Variants in HAUS6 observed in about 807,000 individuals in gnomAD.
HAUS6 encodes HAUS augmin like complex subunit 6, also known as HAUS augmin-like complex subunit 6.
HAUS6 carries 80 observed loss-of-function variants against 106.8 expected under a neutral mutation model. The ratio of observed to expected loss-of-function variants is 0.75; its 90% CI spans 0.63 to 0.90. The LOEUF is 0.90. Ranked by LOEUF, HAUS6 falls within the 40% of genes least tolerant of loss-of-function variation. The pLI, the probability that HAUS6 is intolerant of heterozygous loss-of-function variation, is 0.00. For missense variants in HAUS6, 1,155 were observed against 1,118.1 expected (o/e 1.03, Z -0.47); for synonymous variants, 356 against 379.1 (o/e 0.94, Z 0.71).
At chr9:19,097,583 T>G (rs1817891092) in intron 1 of HAUS6, among the ~76,000 whole-genome samples, 1 of 152,052 alleles carries the variant, frequency 6.6e-6, no homozygotes, top group South Asian at 2.1e-4. Flanking sequence ...TGGGGATCAT[T>G]AAAAAGTCAG....
chr9:19,063,383 T>A lies in HAUS6; in HGVS notation c.1443+131A>T, dbSNP rs927242048. On this transcript the variant is annotated intron_variant, in intron 13 of 16. Coordinates refer to ENST00000380502, the MANE Select transcript of HAUS6 (RefSeq NM_017645.5). ...TAGCAATAAGGAATATAAGTAGATA[T>A]GGTACAAAATGTACAAATAGTAGAA... is the stretch of plus-strand genomic sequence containing the variant. 3 of 650,550 alleles carry A rather than the reference T, an allele frequency of 4.6e-6. No homozygotes were observed. The African/African-American group carries it at 5.5e-5, about 12-fold the overall frequency. 40.3% of individuals were successfully genotyped at this position (650,550 alleles called of 1,614,324 possible).
Position 19,054,875 on chromosome 9 carries a change from T to C in HAUS6, c.*1468A>G, listed in dbSNP as rs1232912150. 6.6e-6 allele frequency: 1 copy of C among 152,230 alleles called. No individual in the cohort carries two copies. Among genetic ancestry groups the C allele is most frequent in the African/African-American group, 2.4e-5 (1 of 41,462 alleles). The allele number at this position is 152,230 out of a possible 1,614,324, so 9.4% of individuals were successfully genotyped here. ...TTCTGCAGATGCTGATAAGACAGTATCACATGCTAAGTTAAGATTTTCAGA... is the reference window on the plus strand; with the variant it reads ...TTCTGCAGATGCTGATAAGACAGTACCACATGCTAAGTTAAGATTTTCAGA... On this transcript the variant is annotated 3_prime_UTR_variant, in exon 17 of 17. Transcript: ENST00000380502.
chr9:19,057,909 G>T, intron 16 of HAUS6, 52 bp downstream of exon 16: 2 of 1,068,866 alleles, frequency 1.9e-6, no homozygotes, highest in Non-Finnish European at 2.7e-6. Context: ...TTTATCAAAA[G>T]TTGAGAGAAA....
At position 19,076,556 on chromosome 9, in the gene HAUS6, G is replaced by A. The variant is rs749474494; in HGVS notation, c.1294+46C>T. ...AACTATTATTATAATGAAAAAGAAT[G>A]ACAGGAAGGAGGTTTCAAAGAGAAA... On this transcript the variant is annotated intron_variant, in intron 11 of 16. Transcript: ENST00000380502. The A allele has an allele frequency of 1.1e-4, 88 of 824,276 alleles. No individual in the cohort carries two copies. The East Asian group carries it at 2.1e-3, about 20-fold the overall frequency. The allele number at this position is 824,276 out of a possible 1,614,324, so 51.1% of individuals were successfully genotyped here.
chr9:19,086,761 G>A lies in HAUS6; in HGVS notation c.672C>T (p.His224=), dbSNP rs755066098. 3 of 1,226,386 alleles carry A rather than the reference G, an allele frequency of 2.4e-6. No homozygotes were observed. The highest frequency in any genetic ancestry group is 2.6e-5 in the South Asian group (2 of 77,914). 76.0% of individuals were successfully genotyped at this position (1,226,386 alleles called of 1,614,324 possible). Residue 224 remains histidine, a synonymous_variant, in exon 7 of 17, where the codon CAC becomes CAT. Coordinates refer to ENST00000380502, the MANE Select transcript of HAUS6 (RefSeq NM_017645.5). ...TTTGAATTTTTTCTTCCATATTACT[G>A]TGGTCATCATAGGGTTCCATTCTAA... ...QIKKMEPYDD[H]SNMEEKIQKV...
intron 11 of HAUS6, among the ~76,000 whole-genome samples, chr9:19,075,423 C>T (rs1023297277): frequency 3.3e-5 from 5 of 152,110 alleles, no homozygotes; most frequent in Admixed American, 1.3e-4. Context: ...AAAAATTGAA[C>T]GCTGATACAT....
Position 19,078,225 on chromosome 9 carries a change from T to C in HAUS6, c.1142A>G (p.Lys381Arg). 1.3e-6 allele frequency: 2 copies of C among 1,595,276 alleles called. No homozygotes were observed. The highest frequency in any genetic ancestry group is 1.7e-6 in the Non-Finnish European group (2 of 1,164,534). Reference protein sequence around the residue: ...EKQGEWHKKWKEFLGLSPFSL... With the variant: ...EKQGEWHKKWREFLGLSPFSL... ...GAAAGGAGACAAACCAAGAAATTCTTTCCACTTTTTATGCCATTCTCCTTG... is the reference window on the plus strand; with the variant it reads ...GAAAGGAGACAAACCAAGAAATTCTCTCCACTTTTTATGCCATTCTCCTTG... Residue 381 changes from lysine (K) to arginine (R), a missense_variant, in exon 10 of 17, where the codon AAA becomes AGA. Transcript: ENST00000380502.
In HAUS6 at chr9:19,058,181, G is replaced by C; in HGVS notation, c.2586C>G (p.His862Gln). ...YLSNSQTPER[H>Q]KPELSPTPQN... is the part of the protein sequence containing the mutation. ...GGGGAGTAGGGCTCAATTCTGGTTT[G>C]TGTCTTTCGGGTGTTTGGGAATTCG... Residue 862 changes from histidine to glutamine, a missense_variant, in exon 16 of 17, where the codon CAC becomes CAG. Transcript: ENST00000380502. 6.2e-7 allele frequency: 1 copy of C among 1,613,842 alleles called. No homozygotes were observed. The highest frequency in any genetic ancestry group is 8.5e-7 in the Non-Finnish European group (1 of 1,179,800).
At position 19,102,896 on chromosome 9, in the gene HAUS6, G is replaced by A. The variant is rs890604887; in HGVS notation, c.-245C>T. 7 of 378,516 alleles carry A rather than the reference G, an allele frequency of 1.8e-5. No homozygotes were observed. The highest frequency in any genetic ancestry group is 4.6e-5 in the Admixed American group (1 of 21,726). The allele number at this position is 378,516 out of a possible 1,614,324, so 23.4% of individuals were successfully genotyped here. ...GAAGCCACCACAAACCGAGACTCCC[G>A]CCCTTAAGGAAGAGCAGTGTGCGCC... On this transcript the variant is annotated 5_prime_UTR_variant, in exon 1 of 17. Coordinates refer to ENST00000380502, the MANE Select transcript of HAUS6 (RefSeq NM_017645.5).
At chr9:19,065,578 C>G (rs887877524) in intron 12 of HAUS6, among the ~76,000 whole-genome samples, 1 of 152,156 alleles carries the variant, frequency 6.6e-6, no homozygotes, top group Non-Finnish European at 1.5e-5. Flanking sequence ...CGGTGGCTCA[C>G]GCCTGTAATC....
intron 11 of HAUS6, among the ~76,000 whole-genome samples, chr9:19,072,489 G>A (rs1369257818): frequency 6.6e-6 from 1 of 151,292 alleles, no homozygotes; most frequent in Non-Finnish European, 1.5e-5. Context: ...CTCAAGCCTG[G>A]GTAATAAAGA....
Position 19,062,871 on chromosome 9 carries a change from G to A in HAUS6, c.1629+137C>T, listed in dbSNP as rs1588597368. ...TTGTAGAGATGGGTTTCGCCATGTTGCCCATGCTGGTCTCGAACTTCTGGG... is the reference window on the plus strand; with the variant it reads ...TTGTAGAGATGGGTTTCGCCATGTTACCCATGCTGGTCTCGAACTTCTGGG... On this transcript the variant is annotated intron_variant, in intron 14 of 16. Coordinates refer to ENST00000380502, the MANE Select transcript of HAUS6 (RefSeq NM_017645.5). The A allele has an allele frequency of 1.0e-5, 7 of 695,842 alleles. No individual in the cohort carries two copies. In the East Asian group the frequency reaches 1.3e-4, roughly 13 times the overall value. The allele number at this position is 695,842 out of a possible 1,614,324, so 43.1% of individuals were successfully genotyped here. A position where few individuals can be genotyped will look rare whatever the true frequency, so the allele number is the denominator to read the frequency against.
chr9:19,064,990 A>G (rs1433410698), intron 12 of HAUS6: 1 of 152,254 alleles, frequency 6.6e-6, no homozygotes, highest in East Asian at 1.9e-4. Context: ...CCCTAAGGCT[A>G]TTCCCAGAGG....
intron 12 of HAUS6, chr9:19,063,845 A>C: frequency 1.6e-6 from 1 of 631,586 alleles, no homozygotes. Flanking sequence ...TGAAAGAGTT[A>C]AGTGACTTAA....
intron 3 of HAUS6, among the ~76,000 whole-genome samples, chr9:19,093,811 G>A (rs1489973217): frequency 6.6e-6 from 1 of 152,150 alleles, no homozygotes; most frequent in Non-Finnish European, 1.5e-5. Context: ...AGAGGTTGCA[G>A]TGAGCCAAGA....
At position 19,066,687 on chromosome 9, in the gene HAUS6, C is replaced by T. The variant is rs7049181; in HGVS notation, c.1377-3107G>A. Reference sequence around the variant, plus strand: ...TGGTTTTAAGTATAATGCAGCCTCTCGCTCTGATCAGAACCAGAAATGGAA... The same window carrying T: ...TGGTTTTAAGTATAATGCAGCCTCTTGCTCTGATCAGAACCAGAAATGGAA... On this transcript the variant is annotated intron_variant, in intron 12 of 16. Transcript: ENST00000380502. Among the ~76,000 whole-genome samples the T allele has an allele frequency of 3.8e-3, 585 of 152,048 alleles. 4 individuals carry two copies. The highest frequency in any genetic ancestry group is 0.013 in the African/African-American group (556 of 41,472).
chr9:19,087,039 G>C lies in HAUS6; in HGVS notation c.650+52C>G, dbSNP rs376749348. On this transcript the variant is annotated intron_variant, in intron 6 of 16. Coordinates refer to ENST00000380502, the MANE Select transcript of HAUS6 (RefSeq NM_017645.5). Reference sequence around the variant, plus strand: ...GAGTCTGTTTCCTAGCCTGTAAAATGCAAGAGCTAAACTAGTATCTAAGGC... The same window carrying C: ...GAGTCTGTTTCCTAGCCTGTAAAATCCAAGAGCTAAACTAGTATCTAAGGC... 7.2e-6 allele frequency: 6 copies of C among 834,038 alleles called. No individual in the cohort carries two copies. The African/African-American group carries it at 1.0e-4, about 14-fold the overall frequency. 51.7% of individuals were successfully genotyped at this position (834,038 alleles called of 1,614,324 possible). A position where few individuals can be genotyped will look rare whatever the true frequency, so the allele number is the denominator to read the frequency against.
At chr9:19,059,553 A>G (rs893429815) in intron 15 of HAUS6, among the ~76,000 whole-genome samples, 36 of 152,240 alleles carry the variant, frequency 2.4e-4, no homozygotes, top group African/African-American at 8.4e-4. Context: ...ATCAGCAGCA[A>G]AACAGAAATT....
Position 19,058,522 on chromosome 9 carries a change from T to G in HAUS6, c.2245A>C (p.Asn749His), listed in dbSNP as rs1023848823. 3 of 1,576,618 alleles carry G rather than the reference T, an allele frequency of 1.9e-6. No homozygotes were observed. In the African/African-American group the frequency reaches 4.1e-5, roughly 22 times the overall value. Reference protein sequence around the residue: ...LEVSCNKPSTNKTMLWNSFQI... With the variant: ...LEVSCNKPSTHKTMLWNSFQI... ...AAAGAATTCCACAACATAGTTTTATTTGTGGAAGGTTTGTTACAAGAAACT... is the reference window on the plus strand; with the variant it reads ...AAAGAATTCCACAACATAGTTTTATGTGTGGAAGGTTTGTTACAAGAAACT... The change falls in exon 16 of 17, where the codon AAT (asparagine) becomes CAT (histidine). Residue 749 changes from asparagine to histidine, a missense_variant. By Grantham distance (68) the Asn-to-His change is moderately conservative. Coordinates refer to ENST00000380502, the MANE Select transcript of HAUS6 (RefSeq NM_017645.5).
Sources: gnomAD v4.1 joint callset for allele counts (sites outside exome capture counted in the v4.1 genomes callset) on GRCh38, gnomAD v4.1.1 for gene constraint, MANE v1.5 for transcripts, NCBI Gene and HGNC (gene_info 2026-07-23, HGNC 2026-07-21) for gene names.